HSD17B12: variants seen among roughly 807,000 people sequenced by gnomAD.
The protein encoded by HSD17B12 is hydroxysteroid 17-beta dehydrogenase 12.
In HSD17B12, 32 loss-of-function variants were observed where a neutral mutation model predicts 39.3. That is an observed-to-expected ratio of 0.81 (90% CI 0.61 to 1.09). The LOEUF is 1.09. Ranked by LOEUF, HSD17B12 falls within the 50% of genes least tolerant of loss-of-function variation. The probability of loss-of-function intolerance (pLI) is 0.00; values close to 1 mark genes in which losing one functional copy is unlikely to be tolerated. For synonymous variants in HSD17B12, 150 were observed against 146.7 expected, an observed-to-expected ratio of 1.02 and a Z score of -0.16; for missense variants, 342 against 382.9, an observed-to-expected ratio of 0.89 and a Z score of 0.89.
chr11:43,579,565 C>G, the HSD17B12 span: 1 of 152,178 alleles, frequency 6.6e-6, no homozygotes, highest in Non-Finnish European at 1.5e-5. Flanking sequence ...TCGGTCGGCT[C>G]ACTGGTAGTC....
chr11:43,563,494 C>T, the HSD17B12 span, among the ~76,000 whole-genome samples: 9 of 152,154 alleles, frequency 5.9e-5, no homozygotes, highest in Non-Finnish European at 2.9e-5. Context: ...AAGTACCAGT[C>T]GTGAAAGAAC....
chr11:43,622,763 C>A, the HSD17B12 span, among the ~76,000 whole-genome samples: 1 of 151,798 alleles, frequency 6.6e-6, no homozygotes, highest in African/African-American at 2.4e-5. Flanking sequence ...GAAAAGAGGG[C>A]ATGAATAAGG....
intron 6 of HSD17B12, among the ~76,000 whole-genome samples, chr11:43,826,208 G>T (rs1417659041): frequency 6.7e-6 from 1 of 149,814 alleles, no homozygotes; most frequent in African/African-American, 2.5e-5. Context: ...TCAGCCTCCC[G>T]AGTAGCTGGA....
At chr11:43,656,332 T>C in the HSD17B12 span, among the ~76,000 whole-genome samples, 1 of 152,226 alleles carries the variant, frequency 6.6e-6, no homozygotes, top group African/African-American at 2.4e-5. Flanking sequence ...TCAATTTTGT[T>C]GATCTTTTCA....
intron 3 of HSD17B12, among the ~76,000 whole-genome samples, chr11:43,769,796 TG>T (rs1950632209): frequency 1.3e-5 from 2 of 152,234 alleles, no homozygotes; most frequent in Non-Finnish European, 2.9e-5. Flanking sequence ...ACCAGCAATG[TG>T]GGGGCCACCC....
chr11:43,736,076 T>A (rs1392534208), intron 1 of HSD17B12, among the ~76,000 whole-genome samples: 2 of 152,212 alleles, frequency 1.3e-5, no homozygotes, highest in Non-Finnish European at 2.9e-5. Flanking sequence ...AGCCTTTTAA[T>A]TCTTATACAT....
rs564347865 is a variant in HSD17B12, at chr11:43,693,526, T to C, written c.160+12539T>C. Among the ~76,000 whole-genome samples the C allele has an allele frequency of 1.4e-4, 21 of 152,326 alleles. No individual in the cohort carries two copies. The East Asian group carries it at 2.5e-3, about 18-fold the overall frequency. On this transcript the variant is annotated intron_variant, in intron 1 of 10. Coordinates refer to ENST00000278353, the MANE Select transcript of HSD17B12 (RefSeq NM_016142.3). ...GGAGGCACTTGTTCATTGTATATAG[T>C]GGTGCAAGCTAAGTTAGTTGATCCA...
chr11:43,643,826 C>A, the HSD17B12 span, among the ~76,000 whole-genome samples: 2 of 152,118 alleles, frequency 1.3e-5, no homozygotes, highest in Non-Finnish European at 2.9e-5. Flanking sequence ...GTGTTGAGTA[C>A]ACGAATCTCT....
intron 1 of HSD17B12, among the ~76,000 whole-genome samples, chr11:43,693,855 A>G (rs1048475160): frequency 6.6e-6 from 1 of 152,232 alleles, no homozygotes; most frequent in African/African-American, 2.4e-5. Context: ...CTAGTCCTGT[A>G]GAAGCAGTAC....
chr11:43,596,547 C>A, the HSD17B12 span, among the ~76,000 whole-genome samples: 1 of 152,144 alleles, frequency 6.6e-6, no homozygotes. Context: ...ATCCTCCCAC[C>A]TCAGCCTCCT....
At chr11:43,739,719 A>T (rs1950347540) in intron 1 of HSD17B12, among the ~76,000 whole-genome samples, 1 of 152,248 alleles carries the variant, frequency 6.6e-6, no homozygotes, top group Admixed American at 6.5e-5. Flanking sequence ...GACTCTTGGA[A>T]GGGACACATT....
At chr11:43,702,311 G>A (rs1442396152) in intron 1 of HSD17B12, among the ~76,000 whole-genome samples, 1 of 152,112 alleles carries the variant, frequency 6.6e-6, no homozygotes, top group African/African-American at 2.4e-5. Flanking sequence ...CAATTTGGAT[G>A]CCCATTATAT....
intron 1 of HSD17B12, among the ~76,000 whole-genome samples, chr11:43,694,146 C>G (rs1198329845): frequency 6.6e-6 from 1 of 152,146 alleles, no homozygotes; most frequent in East Asian, 1.9e-4. Flanking sequence ...TGAATTATTT[C>G]CATAACAACC....
chr11:43,814,373 G>A (rs1951101550), intron 4 of HSD17B12, among the ~76,000 whole-genome samples: 1 of 152,096 alleles, frequency 6.6e-6, no homozygotes, highest in Non-Finnish European at 1.5e-5. Flanking sequence ...TAGGGTTGTT[G>A]TGATGATTAA....
chr11:43,776,924 G>A (rs761055849), intron 3 of HSD17B12, among the ~76,000 whole-genome samples: 255 of 152,142 alleles, frequency 1.7e-3, no homozygotes, highest in African/African-American at 5.6e-3. Flanking sequence ...GTAGATATGC[G>A]GCGTTATTTC....
chr11:43,668,797 G>A, the HSD17B12 span, among the ~76,000 whole-genome samples: 4 of 151,862 alleles, frequency 2.6e-5, no homozygotes, highest in African/African-American at 9.7e-5. Context: ...CAAACTCCTG[G>A]CTCAGATGAT....
the HSD17B12 span, among the ~76,000 whole-genome samples, chr11:43,630,899 G>A: frequency 6.6e-6 from 1 of 151,100 alleles, no homozygotes; most frequent in East Asian, 2.0e-4. Flanking sequence ...CCACCCCCCA[G>A]GTTCAAGCAA....
At chr11:43,606,658 T>A in the HSD17B12 span, among the ~76,000 whole-genome samples, 1 of 152,218 alleles carries the variant, frequency 6.6e-6, no homozygotes, top group African/African-American at 2.4e-5. Context: ...AACACAGGAC[T>A]GTTCCCTTCT....
At chr11:43,581,898 T>C in the HSD17B12 span, among the ~76,000 whole-genome samples, 1 of 152,232 alleles carries the variant, frequency 6.6e-6, no homozygotes, top group Non-Finnish European at 1.5e-5. The surrounding 1 kb of genome is among the most constrained non-coding windows in gnomAD (Gnocchi z 4.9). Context: ...GGACATTTTG[T>C]GGTCATTTTT....
Sources: allele counts gnomAD v4.1 joint callset (sites outside exome capture counted in the v4.1 genomes callset), GRCh38; gene constraint gnomAD v4.1.1; non-coding constraint Gnocchi (gnomAD v3.1); transcripts MANE v1.5; gene names NCBI Gene and HGNC (gene_info 2026-07-23, HGNC 2026-07-21).